Variants in SPIDR observed in about 807,000 individuals in gnomAD.
SPIDR encodes scaffold protein involved in DNA repair.
SPIDR carries 93 observed loss-of-function variants against 104.6 expected under a neutral mutation model. The ratio of observed to expected loss-of-function variants is 0.89; its 90% CI spans 0.75 to 1.06. The LOEUF is 1.06. Ranked by LOEUF, SPIDR falls within the 50% of genes least tolerant of loss-of-function variation. The pLI, the probability that SPIDR is intolerant of heterozygous loss-of-function variation, is 0.00. For synonymous variants in SPIDR, 431 were observed against 416.9 expected (o/e 1.03, Z -0.41); for missense variants, 1,154 against 1,111.2 (o/e 1.04, Z -0.55).
At chr8:47,557,986 A>T (rs1472283952) in intron 8 of SPIDR, among the ~76,000 whole-genome samples, 1 of 152,212 alleles carries the variant, frequency 6.6e-6, no homozygotes, top group Non-Finnish European at 1.5e-5. Flanking sequence ...AAAAAATGAA[A>T]TCGATGGCCT....
At chr8:47,289,513 G>C (rs2039512143) in intron 3 of SPIDR, among the ~76,000 whole-genome samples, 1 of 152,072 alleles carries the variant, frequency 6.6e-6, no homozygotes, top group Non-Finnish European at 1.5e-5. Context: ...TATCAGAAAA[G>C]TTTGCTGTTG....
At chr8:47,576,188 C>G (rs566086489) in intron 8 of SPIDR, among the ~76,000 whole-genome samples, 2 of 152,080 alleles carry the variant, frequency 1.3e-5, no homozygotes, top group African/African-American at 4.8e-5. Flanking sequence ...GAGTCTCACT[C>G]TTGCCCAGGC....
rs116344634 is a variant in SPIDR at position 47,460,527 on chromosome 8, C to T, written c.1097+19985C>T. ...ATTTGCGTGGGCTGTCTTTTTACAC[C>T]CCTTTACCTTAAGTTTATCTGAGTC... On this transcript the variant is annotated intron_variant, in intron 8 of 19. Coordinates refer to ENST00000297423, the MANE Select transcript of SPIDR (RefSeq NM_001080394.4). Among the ~76,000 whole-genome samples the T allele has an allele frequency of 4.7e-3, 722 of 152,172 alleles. 5 individuals are homozygous for T. Among genetic ancestry groups the T allele is most frequent in the African/African-American group, 0.016 (685 of 41,526 alleles).
At chr8:47,283,356 G>C (rs912318049) in intron 2 of SPIDR, among the ~76,000 whole-genome samples, 137 of 152,282 alleles carry the variant, frequency 9.0e-4, no homozygotes, top group African/African-American at 3.2e-3. Flanking sequence ...TATTAATTTT[G>C]CTCTCTTATA....
chr8:47,505,142 A>G (rs1273461609), intron 8 of SPIDR, among the ~76,000 whole-genome samples: 1 of 152,174 alleles, frequency 6.6e-6, no homozygotes, highest in Non-Finnish European at 1.5e-5. Flanking sequence ...TGGGAGAACC[A>G]CTACTCCCTT....
intron 7 of SPIDR, among the ~76,000 whole-genome samples, chr8:47,418,249 C>T (rs1228873099): frequency 6.6e-6 from 1 of 152,168 alleles, no homozygotes; most frequent in African/African-American, 2.4e-5. Flanking sequence ...TTCTTCCTAT[C>T]CATGAGCATG....
intron 5 of SPIDR, among the ~76,000 whole-genome samples, chr8:47,326,152 G>A (rs544115158): frequency 2.0e-5 from 3 of 152,062 alleles, no homozygotes; most frequent in African/African-American, 4.8e-5. Context: ...ATGCCACCAC[G>A]TCCTGCTCGT....
Position 47,284,078 on chromosome 8 carries a change from C to T in SPIDR, c.240C>T (p.Cys80=), listed in dbSNP as rs1420203538. 1.2e-5 allele frequency: 20 copies of T among 1,610,914 alleles called. No homozygotes were observed. The highest frequency in any genetic ancestry group is 1.6e-5 in the Non-Finnish European group (19 of 1,178,586). ...KTITEKHLEL[C]PRPKQETTTS... is the part of the protein sequence containing the mutation. ...TTACAGAAAAGCACCTTGAATTATG[C>T]CCTAGACCCAAGCAAGGTAACTATT... The change falls in exon 3 of 20, where the codon TGC becomes TGT. Residue 80 remains cysteine, a synonymous_variant. Coordinates refer to ENST00000297423, the MANE Select transcript of SPIDR (RefSeq NM_001080394.4).
intron 11 of SPIDR, among the ~76,000 whole-genome samples, chr8:47,678,657 G>A (rs893188675): frequency 6.6e-6 from 1 of 152,102 alleles, no homozygotes; most frequent in Non-Finnish European, 1.5e-5. Flanking sequence ...GAAAGGCATG[G>A]GCTAAGGGCT....
intron 5 of SPIDR, chr8:47,330,853 C>G (rs1220678776): frequency 1.8e-5 from 8 of 455,712 alleles, no homozygotes; most frequent in Non-Finnish European, 2.6e-5. Flanking sequence ...ACTTTCAACT[C>G]CTTTGAGTAG....
chr8:47,300,964 C>G (rs912702699), intron 5 of SPIDR, among the ~76,000 whole-genome samples: 1 of 152,180 alleles, frequency 6.6e-6, no homozygotes, highest in South Asian at 2.1e-4. Context: ...CTATTAGGTC[C>G]GCTTGGTCCA....
chr8:47,410,810 T>A (rs1422364583), intron 7 of SPIDR, among the ~76,000 whole-genome samples: 29 of 152,044 alleles, frequency 1.9e-4, no homozygotes, highest in African/African-American at 6.3e-4. Context: ...CCCTCCCCGC[T>A]CCCCCAACCC....
At chr8:47,340,131 C>G (rs1554612892) in intron 5 of SPIDR, among the ~76,000 whole-genome samples, 1 of 151,800 alleles carries the variant, frequency 6.6e-6, no homozygotes, top group African/African-American at 2.4e-5. Flanking sequence ...TTATATTATG[C>G]CTTCTTTCTT....
chr8:47,625,734 AAG>A (rs1228722213), intron 10 of SPIDR, among the ~76,000 whole-genome samples: 2 of 152,122 alleles, frequency 1.3e-5, no homozygotes, highest in African/African-American at 2.4e-5. Flanking sequence ...AATGAAATAA[AAG>A]AGGATACAAA....
At chr8:47,585,417 CTA>C (rs1475576696) in intron 8 of SPIDR, among the ~76,000 whole-genome samples, 7 of 152,050 alleles carry the variant, frequency 4.6e-5, no homozygotes, top group African/African-American at 1.7e-4. Context: ...TATACAATGT[CTA>C]TTTTTTATTA....
chr8:47,360,784 G>A, intron 5 of SPIDR: 2 of 974,326 alleles, frequency 2.1e-6, no homozygotes, highest in South Asian at 9.5e-5. Flanking sequence ...AGTCTGTGGG[G>A]CAAAAATTTG....
intron 8 of SPIDR, among the ~76,000 whole-genome samples, chr8:47,573,218 C>T (rs1216257432): frequency 6.6e-6 from 1 of 152,186 alleles, no homozygotes; most frequent in African/African-American, 2.4e-5. Context: ...AGGCTTAGCA[C>T]AGTGAGCCCC....
At chr8:47,301,436 C>T (rs1203984704) in intron 5 of SPIDR, among the ~76,000 whole-genome samples, 1 of 152,164 alleles carries the variant, frequency 6.6e-6, no homozygotes, top group African/African-American at 2.4e-5. Context: ...AGCATTTAGC[C>T]CATTTACATT....
intron 5 of SPIDR, among the ~76,000 whole-genome samples, chr8:47,352,248 G>C (rs1401404020): frequency 6.7e-6 from 1 of 148,682 alleles, no homozygotes; most frequent in African/African-American, 2.5e-5. Context: ...CTACACTCCA[G>C]CCTGGTGACA....
Sources: allele counts gnomAD v4.1 joint callset (sites outside exome capture counted in the v4.1 genomes callset), GRCh38; gene constraint gnomAD v4.1.1; transcripts MANE v1.5; gene names NCBI Gene and HGNC (gene_info 2026-07-23, HGNC 2026-07-21).